Variants in PTPN4 observed in about 807,000 individuals in gnomAD.
PTPN4 encodes the protein tyrosine-protein phosphatase non-receptor type 4.
PTPN4 carries 49 observed loss-of-function variants against 135.5 expected under a neutral mutation model. That is an observed-to-expected ratio of 0.36 (90% CI 0.29 to 0.46). PTPN4 has a LOEUF of 0.46. Ranked by LOEUF, PTPN4 falls within the 20% of genes least tolerant of loss-of-function variation. The pLI is 1.00. For synonymous variants in PTPN4, 333 were observed against 369.9 expected (o/e 0.90, Z 1.14); for missense variants, 860 against 1,101.0 (o/e 0.78, Z 3.10).
chr2:119,794,719 A>G lies in PTPN4; in HGVS notation c.-17-15118A>G, dbSNP rs187891052. ...CCTCCTCTCTTCTGTCCTTCTTGTC[A>G]CCTGCAGCAACGTGGTGGGCAAGAG... On this transcript the variant is annotated intron_variant, in intron 1 of 26. Coordinates refer to ENST00000263708, the MANE Select transcript of PTPN4 (RefSeq NM_002830.4). Among the ~76,000 whole-genome samples the G allele has an allele frequency of 3.3e-3, 501 of 151,948 alleles. 2 individuals are homozygous for G. Among genetic ancestry groups the G allele is most frequent in the African/African-American group, 0.011 (474 of 41,448 alleles).
chr2:119,971,331 T>C (rs759199552), intron 26 of PTPN4, among the ~76,000 whole-genome samples: 2 of 152,188 alleles, frequency 1.3e-5, no homozygotes, highest in East Asian at 1.9e-4. Flanking sequence ...CTGCCCCCAT[T>C]ATTCAGTCAC....
chr2:119,773,884 C>T (rs1208986109), intron 1 of PTPN4, among the ~76,000 whole-genome samples: 1 of 151,990 alleles, frequency 6.6e-6, no homozygotes, highest in Admixed American at 6.6e-5. Context: ...TCACACAGAC[C>T]ATACATGGTA....
At chr2:119,928,214 C>CT (rs1364527815) in intron 13 of PTPN4, among the ~76,000 whole-genome samples, 1 of 152,120 alleles carries the variant, frequency 6.6e-6, no homozygotes, top group Non-Finnish European at 1.5e-5. Context: ...GGCAATAAAT[C>CT]TTTTAACAGT....
At chr2:119,807,965 T>A (rs13005151) in intron 1 of PTPN4, among the ~76,000 whole-genome samples, 1 of 152,150 alleles carries the variant, frequency 6.6e-6, no homozygotes, top group South Asian at 2.1e-4. Context: ...ACAGAAGCAA[T>A]GACAAAAACC....
Position 119,952,192 on chromosome 2 carries a change from A to G in PTPN4, c.1813+63A>G. On this transcript the variant is annotated intron_variant, in intron 19 of 26. Coordinates refer to ENST00000263708, the MANE Select transcript of PTPN4 (RefSeq NM_002830.4). ...TTTATTACTGTTCATTACTGAGCAC[A>G]GCAGCCAGATTTCTGACATAAAACA... The G allele has an allele frequency of 3.5e-6, 5 of 1,420,940 alleles. No individual in the cohort carries two copies. In the Admixed American group the frequency reaches 1.0e-4, roughly 29 times the overall value. 88.0% of individuals were successfully genotyped at this position (1,420,940 alleles called of 1,614,324 possible). A position where few individuals can be genotyped will look rare whatever the true frequency, so the allele number is the denominator to read the frequency against.
intron 2 of PTPN4, among the ~76,000 whole-genome samples, chr2:119,846,833 A>G (rs1237243081): frequency 6.7e-6 from 1 of 149,016 alleles, no homozygotes; most frequent in Non-Finnish European, 1.5e-5. Flanking sequence ...TCAGGCTTAT[A>G]ATAACTTAAT....
intron 2 of PTPN4, among the ~76,000 whole-genome samples, chr2:119,829,871 T>C (rs1275715499): frequency 1.3e-5 from 2 of 152,212 alleles, no homozygotes; most frequent in Admixed American, 1.3e-4. Flanking sequence ...ATTCAGTGTT[T>C]AACCTTTAAG....
chr2:119,766,458 G>GC (rs1558718908), intron 1 of PTPN4, among the ~76,000 whole-genome samples: 3,057 of 134,994 alleles, frequency 0.023, 114 homozygotes, highest in African/African-American at 0.082. Flanking sequence ...GCGTGTGTGT[G>GC]TGTGTGTGTG....
intron 1 of PTPN4, among the ~76,000 whole-genome samples, chr2:119,765,090 G>T (rs993430179): frequency 1.3e-5 from 2 of 152,144 alleles, no homozygotes; most frequent in African/African-American, 4.8e-5. Context: ...TGGGCAAAGT[G>T]TCTCATTTCT....
At chr2:119,972,573 C>G (rs1199458588) in intron 26 of PTPN4, among the ~76,000 whole-genome samples, 2 of 151,978 alleles carry the variant, frequency 1.3e-5, no homozygotes, top group East Asian at 3.9e-4. Flanking sequence ...TATAAGTATC[C>G]TGGATAGAAC....
At chr2:119,860,436 A>G (rs1383921949) in intron 2 of PTPN4, among the ~76,000 whole-genome samples, 1 of 152,230 alleles carries the variant, frequency 6.6e-6, no homozygotes, top group East Asian at 1.9e-4. Context: ...GCATCTTGCT[A>G]AAGGCTCACG....
At chr2:119,920,034 T>G (rs1678714291) in intron 11 of PTPN4, 35 bp from the exon 12 acceptor site, 2 of 1,569,788 alleles carry the variant, frequency 1.3e-6, no homozygotes, top group Non-Finnish European at 1.7e-6. Context: ...CCTGACATTT[T>G]CCTGGTATTC....
intron 2 of PTPN4, among the ~76,000 whole-genome samples, chr2:119,837,933 C>T (rs867697742): frequency 6.6e-6 from 1 of 152,226 alleles, no homozygotes; most frequent in South Asian, 2.1e-4. Context: ...TGGCTGGACC[C>T]TGTGCTCACT....
Position 119,914,248 on chromosome 2 carries a change from A to ATTTTTTTTTTTTTT in PTPN4, c.765-916_765-903dup, listed in dbSNP as rs55911315. 7.1e-4 allele frequency among the ~76,000 whole-genome samples: 69 copies of ATTTTTTTTTTTTTT among 97,420 alleles called. 7 individuals carry two copies. The highest frequency in any genetic ancestry group is 3.9e-3 in the African/African-American group (66 of 17,062). 63.9% of individuals were successfully genotyped at this position (97,420 alleles called of 152,430 possible). The stretch of plus-strand genomic sequence containing the variant: ...CATAAATACAGTCAATAGTTACTCA[A>ATTTTTTTTTTTTTT]TTTTTTTTTTTTTTTTTTTTTTTTT... On this transcript the variant is annotated intron_variant, in intron 10 of 26. Coordinates refer to ENST00000263708, the MANE Select transcript of PTPN4 (RefSeq NM_002830.4).
Position 119,885,864 on chromosome 2 carries a change from T to C in PTPN4, c.657T>C (p.Val219=), listed in dbSNP as rs1432342593. Reference sequence around the variant, plus strand: ...CACGTACCTTAGAACTCTATGGAGTTGAATTCCACTATGCAAGGGTAAGTG... The same window carrying C: ...CACGTACCTTAGAACTCTATGGAGTCGAATTCCACTATGCAAGGGTAAGTG... The part of the protein sequence containing the change: ...NTARTLELYG[V]EFHYARDQSN... Residue 219 remains valine (V), a synonymous_variant, in exon 9 of 27, where the codon GTT becomes GTC. Transcript: ENST00000263708. 1.3e-6 allele frequency: 2 copies of C among 1,598,902 alleles called. No homozygotes were observed. Among genetic ancestry groups the C allele is most frequent in the South Asian group, 2.3e-5 (2 of 87,952 alleles).
At chr2:119,818,226 C>T (rs754949131) in intron 2 of PTPN4, among the ~76,000 whole-genome samples, 24 of 152,020 alleles carry the variant, frequency 1.6e-4, no homozygotes, top group Admixed American at 2.6e-4. Flanking sequence ...GCTAGAGCCT[C>T]CTTGTCTACA....
chr2:119,797,787 G>C lies in PTPN4; in HGVS notation c.-17-12050G>C, dbSNP rs565549439. ...ATGCATATTTTTATTAAACAAAATA[G>C]ATTATATTAACGTTAACAGAATTTT... On this transcript the variant is annotated intron_variant, in intron 1 of 26. Coordinates refer to ENST00000263708, the MANE Select transcript of PTPN4 (RefSeq NM_002830.4). Among the ~76,000 whole-genome samples, 5 of 152,294 alleles carry C rather than the reference G, an allele frequency of 3.3e-5. No homozygotes were observed. In the East Asian group the frequency reaches 9.6e-4, roughly 29 times the overall value.
At chr2:119,908,353 C>G (rs1415105363) in intron 10 of PTPN4, among the ~76,000 whole-genome samples, 1 of 152,108 alleles carries the variant, frequency 6.6e-6, no homozygotes, top group African/African-American at 2.4e-5. Context: ...TCTGTTGTTG[C>G]CATTTTTCTG....
In PTPN4 at chr2:119,946,585, T is replaced by C; in HGVS notation, c.1656+11T>C. 6.9e-7 allele frequency: 1 copy of C among 1,455,308 alleles called. No individual in the cohort carries two copies. The highest frequency in any genetic ancestry group is 9.4e-7 in the Non-Finnish European group (1 of 1,063,150). The allele number at this position is 1,455,308 out of a possible 1,614,324, so 90.1% of individuals were successfully genotyped here. A position where few individuals can be genotyped will look rare whatever the true frequency, so the allele number is the denominator to read the frequency against. On this transcript the variant is annotated intron_variant, in intron 18 of 26. Coordinates refer to ENST00000263708, the MANE Select transcript of PTPN4 (RefSeq NM_002830.4). ...GCACCAGGAACACCTGTGAGTTATC[T>C]AAATGTTTCAAATAAATCCTGTTTT...
Sources: allele counts gnomAD v4.1 joint callset (sites outside exome capture counted in the v4.1 genomes callset), GRCh38; gene constraint gnomAD v4.1.1; transcripts MANE v1.5; gene names NCBI Gene and HGNC (gene_info 2026-07-23, HGNC 2026-07-21).